The following TSPAN9 variants were observed in gnomAD, a reference collection of about 807,000 sequenced individuals.
TSPAN9 encodes tetraspanin-9.
Under a neutral mutation model 31.0 loss-of-function variants are expected in TSPAN9, and 16 were observed. That is an observed-to-expected ratio of 0.52 (90% CI 0.35 to 0.78). The LOEUF (loss-of-function observed/expected upper bound fraction) is 0.78. Among genes scored for constraint, TSPAN9 ranks in the 30% least tolerant of loss-of-function variants. The pLI is 0.01. For synonymous variants in TSPAN9, 145 were observed against 121.6 expected (o/e 1.19, Z -1.27); for missense variants, 272 against 312.5 (o/e 0.87, Z 0.98).
intron 2 of TSPAN9, among the ~76,000 whole-genome samples, chr12:3,104,698 G>A (rs1231886056): frequency 6.6e-6 from 1 of 152,064 alleles, no homozygotes; most frequent in Non-Finnish European, 1.5e-5. Flanking sequence ...TGCCTGGCTC[G>A]GTGCAGACTC....
At chr12:3,250,416 A>G (rs1473427133) in intron 3 of TSPAN9, among the ~76,000 whole-genome samples, 1 of 152,106 alleles carries the variant, frequency 6.6e-6, no homozygotes, top group African/African-American at 2.4e-5. Context: ...TTTTTCCAGA[A>G]TGGAGTTCAT....
intron 1 of TSPAN9, among the ~76,000 whole-genome samples, chr12:3,081,145 T>C (rs953780870): frequency 6.6e-6 from 1 of 152,180 alleles, no homozygotes; most frequent in African/African-American, 2.4e-5. Flanking sequence ...GCTCAGGGCC[T>C]CATATACAGC....
chr12:3,089,863 G>A lies in TSPAN9; in HGVS notation c.-18+6144G>A, dbSNP rs190687201. ...TGAGGCTACAGTGAGCTGTGATCAC[G>A]CCGCTGTACTCCAGCCTGGGCAACA... On this transcript the variant is annotated intron_variant, in intron 2 of 8. Coordinates refer to ENST00000011898, the MANE Select transcript of TSPAN9 (RefSeq NM_006675.5). 1.4e-4 allele frequency among the ~76,000 whole-genome samples: 22 copies of A among 152,128 alleles called. No homozygotes were observed. In the East Asian group the frequency reaches 3.7e-3, roughly 25 times the overall value.
chr12:3,086,745 C>T (rs112522561), intron 2 of TSPAN9, among the ~76,000 whole-genome samples: 20 of 152,316 alleles, frequency 1.3e-4, no homozygotes, highest in African/African-American at 4.8e-4. Flanking sequence ...TCTCACAGCA[C>T]GTTTGTGCGA....
At chr12:3,252,652 C>T (rs961740375) in intron 3 of TSPAN9, among the ~76,000 whole-genome samples, 1 of 152,250 alleles carries the variant, frequency 6.6e-6, no homozygotes, top group African/African-American at 2.4e-5. Flanking sequence ...GAAGCCTTCC[C>T]TGGTCCAATG....
At chr12:3,268,131 C>G (rs1201509915) in intron 3 of TSPAN9, among the ~76,000 whole-genome samples, 1 of 152,098 alleles carries the variant, frequency 6.6e-6, no homozygotes, top group Non-Finnish European at 1.5e-5. Flanking sequence ...CATGCCTATT[C>G]CGTAGGTGCT....
intron 2 of TSPAN9, among the ~76,000 whole-genome samples, chr12:3,113,497 G>A (rs754067982): frequency 7.9e-5 from 12 of 152,140 alleles, no homozygotes; most frequent in Non-Finnish European, 1.6e-4. Flanking sequence ...CTTATTTTGT[G>A]TCCTGTACTA....
chr12:3,268,156 G>C (rs575984110), intron 3 of TSPAN9, among the ~76,000 whole-genome samples: 7 of 141,604 alleles, frequency 4.9e-5, no homozygotes, highest in Admixed American at 4.2e-4. Context: ...CCTGCCCTCC[G>C]TGCATTCCTG....
At chr12:3,261,906 C>T (rs1434094521) in intron 3 of TSPAN9, among the ~76,000 whole-genome samples, 2 of 152,190 alleles carry the variant, frequency 1.3e-5, no homozygotes, top group Non-Finnish European at 2.9e-5. Flanking sequence ...GCCTGGGTGG[C>T]ACTGGCTAAG....
rs77530558 is a variant in TSPAN9 at position 3,248,933 on chromosome 12, C to T, written c.64-29488C>T. ...CAGGCTGGAAACCTCTGTCTGCCCC[C>T]CTCCGTACCCATGCCGCCTCCCTGA... On this transcript the variant is annotated intron_variant, in intron 3 of 8. Transcript: ENST00000011898. Among the ~76,000 whole-genome samples the T allele has an allele frequency of 7.2e-5, 11 of 152,338 alleles. No homozygotes were observed. The South Asian group carries it at 2.3e-3, about 32-fold the overall frequency.
chr12:3,268,665 C>T (rs868581885), intron 3 of TSPAN9, among the ~76,000 whole-genome samples: 12 of 110,348 alleles, frequency 1.1e-4, no homozygotes, highest in South Asian at 3.5e-4. Flanking sequence ...TCCGTGCGTT[C>T]CTGCAGCCTG....
chr12:3,278,630 C>T lies in TSPAN9; in HGVS notation c.255+18C>T. On this transcript the variant is annotated intron_variant, in intron 4 of 8. Transcript: ENST00000011898. ...TCCTCAGCGTAAGTTCTGTCCAAAT[C>T]CCCAGCCCCTCCAACTCCTGATCTC... The T allele has an allele frequency of 1.2e-6, 2 of 1,606,124 alleles. No individual in the cohort carries two copies. Among genetic ancestry groups the T allele is most frequent in the African/African-American group, 1.3e-5 (1 of 74,854 alleles).
chr12:3,213,387 A>G (rs1483235326), intron 3 of TSPAN9, among the ~76,000 whole-genome samples: 1 of 152,166 alleles, frequency 6.6e-6, no homozygotes, highest in Admixed American at 6.5e-5. Context: ...GACCCAAATC[A>G]GAGCGACAGC....
chr12:3,120,113 T>C (rs925238855), intron 2 of TSPAN9, among the ~76,000 whole-genome samples: 4 of 152,236 alleles, frequency 2.6e-5, no homozygotes, highest in Admixed American at 6.5e-5. Flanking sequence ...CTGTTGCCTC[T>C]TTAAAATGAA....
intron 2 of TSPAN9, among the ~76,000 whole-genome samples, chr12:3,153,861 T>C (rs1040910887): frequency 8.6e-5 from 13 of 150,822 alleles, no homozygotes; most frequent in Non-Finnish European, 1.8e-4. Flanking sequence ...TGTGTGTGTG[T>C]GCGTGTGTGT....
At position 3,145,196 on chromosome 12, in the gene TSPAN9, C is replaced by T. The variant is rs372341272; in HGVS notation, c.-17-55981C>T. Among the ~76,000 whole-genome samples, 25 of 152,296 alleles carry T rather than the reference C, an allele frequency of 1.6e-4. No homozygotes were observed. In the East Asian group the frequency reaches 2.5e-3, roughly 15 times the overall value. On this transcript the variant is annotated intron_variant, in intron 2 of 8. Transcript: ENST00000011898. ...CAACTGCTTGGACCGTGAGGCCCTC[C>T]GGTCAGGACCGCGACTGCCCTTGCA...
chr12:3,089,537 C>T lies in TSPAN9; in HGVS notation c.-18+5818C>T, dbSNP rs375870711. Among the ~76,000 whole-genome samples the T allele has an allele frequency of 3.6e-3, 546 of 151,980 alleles. 9 individuals carry two copies. The East Asian group carries it at 0.047, about 13-fold the overall frequency. On this transcript the variant is annotated intron_variant, in intron 2 of 8. Transcript: ENST00000011898. The stretch of plus-strand genomic sequence containing the variant: ...GTCTCGATCTCCTGACCTCGTGATC[C>T]GCCCTCCTTGGCCTCCCAAAGTGCT...
At chr12:3,104,510 G>A (rs111674732) in intron 2 of TSPAN9, among the ~76,000 whole-genome samples, 4 of 152,050 alleles carry the variant, frequency 2.6e-5, no homozygotes, top group African/African-American at 9.6e-5. Flanking sequence ...GTACCACCAC[G>A]CCTGGTTAAT....
rs115709274 is a variant in TSPAN9 at position 3,128,304 on chromosome 12, C to T, written c.-18+44585C>T. Among the ~76,000 whole-genome samples, 979 of 152,246 alleles carry T rather than the reference C, an allele frequency of 6.4e-3. 10 individuals carry two copies. Among genetic ancestry groups the T allele is most frequent in the African/African-American group, 0.022 (922 of 41,542 alleles). ...TTTCTCCAGCTCCACCTGTAGGATG[C>T]CCTCCTTTTGGGCCTGCAAACACAA... On this transcript the variant is annotated intron_variant, in intron 2 of 8. Transcript: ENST00000011898.
Sources: allele counts gnomAD v4.1 joint callset (sites outside exome capture counted in the v4.1 genomes callset), GRCh38; gene constraint gnomAD v4.1.1; transcripts MANE v1.5; gene names NCBI Gene and HGNC (gene_info 2026-07-23, HGNC 2026-07-21).